RAB2A: variants seen among roughly 807,000 people sequenced by gnomAD.
RAB2A encodes RAB2A, member RAS oncogene family.
A neutral mutation model predicts 32.5 loss-of-function variants in RAB2A; 7 were observed. The ratio of observed to expected loss-of-function variants is 0.22; its 90% CI spans 0.12 to 0.40. The LOEUF (loss-of-function observed/expected upper bound fraction) is 0.40. Ranked by LOEUF, RAB2A falls within the 10% of genes least tolerant of loss-of-function variation. The probability of loss-of-function intolerance (pLI) is 1.00; values close to 1 mark genes in which losing one functional copy is unlikely to be tolerated. For synonymous variants in RAB2A, 79 were observed against 85.2 expected (o/e 0.93, Z 0.40); for missense variants, 108 against 260.7 (o/e 0.41, Z 4.03).
At chr8:60,536,420 T>C (rs1807556690) in intron 1 of RAB2A, among the ~76,000 whole-genome samples, 1 of 152,240 alleles carries the variant, frequency 6.6e-6, no homozygotes, top group Non-Finnish European at 1.5e-5. Context: ...TAGATAATTA[T>C]ATTTTACATT....
rs1188601181 is a variant in RAB2A, at chr8:60,622,495, T to G, written c.*1726T>G. ...TTTCTTTCAAGTGGCTGTATCAAAT[T>G]CACTGGTCTTACTAATCACTGTCTT... is the stretch of plus-strand genomic sequence containing the variant. On this transcript the variant is annotated 3_prime_UTR_variant, in exon 8 of 8. Transcript: ENST00000262646. 1 of 152,212 alleles carries G rather than the reference T, an allele frequency of 6.6e-6. No homozygotes were observed. Among genetic ancestry groups the G allele is most frequent in the Non-Finnish European group, 1.5e-5 (1 of 68,028 alleles). The allele number at this position is 152,212 out of a possible 1,614,324, so 9.4% of individuals were successfully genotyped here.
intron 1 of RAB2A, among the ~76,000 whole-genome samples, chr8:60,550,797 A>T (rs1029002660): frequency 6.6e-6 from 1 of 152,132 alleles, no homozygotes; most frequent in African/African-American, 2.4e-5. Flanking sequence ...CTCTCCAGTG[A>T]ATCCCCTATT....
Position 60,591,190 on chromosome 8 carries a change from C to T in RAB2A, c.363-668C>T, listed in dbSNP as rs186326042. 7.6e-4 allele frequency among the ~76,000 whole-genome samples: 115 copies of T among 151,522 alleles called. No homozygotes were observed. The Middle Eastern group carries it at 0.01, about 13-fold the overall frequency. ...TTAAAAGCAACTGCTACCTCCCCTCCCCCCCACTAATAAAATTCTAGTATG... is the reference window on the plus strand; with the variant it reads ...TTAAAAGCAACTGCTACCTCCCCTCTCCCCCACTAATAAAATTCTAGTATG... On this transcript the variant is annotated intron_variant, in intron 5 of 7. Coordinates refer to ENST00000262646, the MANE Select transcript of RAB2A (RefSeq NM_002865.3).
At chr8:60,589,971 T>C (rs909508654) in intron 5 of RAB2A, among the ~76,000 whole-genome samples, 12 of 152,146 alleles carry the variant, frequency 7.9e-5, no homozygotes, top group Middle Eastern at 3.4e-3. Context: ...CTTTTTTTTT[T>C]CCCTTCCCAA....
intron 5 of RAB2A, 47 bp downstream of exon 5, chr8:60,584,862 G>A (rs1803822926): frequency 3.0e-6 from 4 of 1,345,316 alleles, no homozygotes; most frequent in African/African-American, 1.5e-5. Flanking sequence ...GATGAAGACT[G>A]TACTGTTTAT....
intron 1 of RAB2A, among the ~76,000 whole-genome samples, chr8:60,546,785 G>C (rs1807733875): frequency 6.6e-6 from 1 of 151,890 alleles, no homozygotes; most frequent in Non-Finnish European, 1.5e-5. Context: ...AAATCACCCA[G>C]GTAGTGCTTT....
intron 1 of RAB2A, among the ~76,000 whole-genome samples, chr8:60,538,590 G>A (rs1807592563): frequency 6.6e-6 from 1 of 152,214 alleles, no homozygotes. Context: ...GGAGGGGCAT[G>A]GCTGAGGCCT....
Position 60,544,572 on chromosome 8 carries a change from T to A in RAB2A, c.47-14280T>A, listed in dbSNP as rs199936390. Among the ~76,000 whole-genome samples the A allele has an allele frequency of 9.6e-3, 1,282 of 133,890 alleles. 17 individuals carry two copies. The highest frequency in any genetic ancestry group is 0.033 in the African/African-American group (1,129 of 34,706). The allele number at this position is 133,890 out of a possible 152,430, so 87.8% of individuals were successfully genotyped here. On this transcript the variant is annotated intron_variant, in intron 1 of 7. Transcript: ENST00000262646. ...AGTGCCTTTTTTTTTTTTTTTTTTTTAAAATAGAGATGGGGTCTCAGTATG... is the reference window on the plus strand; with the variant it reads ...AGTGCCTTTTTTTTTTTTTTTTTTTAAAAATAGAGATGGGGTCTCAGTATG...
Position 60,618,656 on chromosome 8 carries a change from C to T in RAB2A, c.543+8C>T, listed in dbSNP as rs376313812. ...TTTGACATTAATAATGAGGTATATA[C>T]ATATAAATATTGTTGGTCAATATTA... On this transcript the variant is annotated splice_region_variant and intron_variant, in intron 7 of 7. Transcript: ENST00000262646. 4 of 1,015,526 alleles carry T rather than the reference C, an allele frequency of 3.9e-6. No homozygotes were observed. Among genetic ancestry groups the T allele is most frequent in the Non-Finnish European group, 5.3e-6 (4 of 756,744 alleles). The allele number at this position is 1,015,526 out of a possible 1,614,324, so 62.9% of individuals were successfully genotyped here.
intron 1 of RAB2A, among the ~76,000 whole-genome samples, chr8:60,520,432 A>C (rs1231046694): frequency 6.6e-6 from 1 of 152,232 alleles, no homozygotes; most frequent in Admixed American, 6.5e-5. Flanking sequence ...AATCTATAGT[A>C]ATTTTTCTTC....
At chr8:60,521,808 A>G (rs916878065) in intron 1 of RAB2A, among the ~76,000 whole-genome samples, 7 of 152,070 alleles carry the variant, frequency 4.6e-5, no homozygotes, top group Non-Finnish European at 7.4e-5. Context: ...TTTAGTAGAG[A>G]TGGAGTTTTG....
In RAB2A at chr8:60,623,477, A is replaced by G. The variant is rs1361447308; in HGVS notation, c.*2708A>G. ...GGTTGGCAGCATGGGGTTTGACTAT[A>G]TGAGCTAAAAGATACACAAAGAGAT... On this transcript the variant is annotated 3_prime_UTR_variant, in exon 8 of 8. Transcript: ENST00000262646. The G allele has an allele frequency of 6.6e-6, 1 of 152,210 alleles. No homozygotes were observed. Among genetic ancestry groups the G allele is most frequent in the African/African-American group, 2.4e-5 (1 of 41,450 alleles). 9.4% of individuals were successfully genotyped at this position (152,210 alleles called of 1,614,324 possible). A position where few individuals can be genotyped will look rare whatever the true frequency, so the allele number is the denominator to read the frequency against.
intron 3 of RAB2A, among the ~76,000 whole-genome samples, chr8:60,577,881 A>T (rs1167896427): frequency 7.0e-6 from 1 of 143,278 alleles, no homozygotes; most frequent in Non-Finnish European, 1.5e-5. Flanking sequence ...TGACCTCGTG[A>T]TCCACCCGCC....
At chr8:60,527,471 C>G (rs1807410328) in intron 1 of RAB2A, among the ~76,000 whole-genome samples, 1 of 152,186 alleles carries the variant, frequency 6.6e-6, no homozygotes, top group Non-Finnish European at 1.5e-5. Flanking sequence ...AAGCAGGCAC[C>G]TTCTTCACAA....
At chr8:60,575,920 G>A (rs1365569901) in intron 3 of RAB2A, among the ~76,000 whole-genome samples, 1 of 152,146 alleles carries the variant, frequency 6.6e-6, no homozygotes, top group African/African-American at 2.4e-5. Context: ...CTCCCAAAGT[G>A]CTGGGATTAT....
chr8:60,611,809 C>G (rs1266823272), intron 6 of RAB2A, among the ~76,000 whole-genome samples: 1 of 152,132 alleles, frequency 6.6e-6, no homozygotes, highest in African/African-American at 2.4e-5. Context: ...ACTTGAATTA[C>G]AAAACGTCAG....
chr8:60,528,483 G>C (rs534562258), intron 1 of RAB2A, among the ~76,000 whole-genome samples: 120 of 152,164 alleles, frequency 7.9e-4, no homozygotes, highest in African/African-American at 2.8e-3. Context: ...TTTGCCCTCT[G>C]TGTGTTCTAA....
chr8:60,558,654 A>G (rs1243947210), intron 1 of RAB2A, 198 bp from the exon 2 acceptor site: 2 of 612,334 alleles, frequency 3.3e-6, no homozygotes, highest in South Asian at 1.8e-5. Context: ...AAGGGTGAAA[A>G]TGTACTTTAG....
At chr8:60,564,093 T>C (rs1453646714) in intron 2 of RAB2A, among the ~76,000 whole-genome samples, 2 of 152,248 alleles carry the variant, frequency 1.3e-5, no homozygotes, top group Admixed American at 1.3e-4. Flanking sequence ...ATTTCCATTA[T>C]ATTCACCCTT....
Sources: gnomAD v4.1 joint callset for allele counts (sites outside exome capture counted in the v4.1 genomes callset) on GRCh38, gnomAD v4.1.1 for gene constraint, MANE v1.5 for transcripts, NCBI Gene and HGNC (gene_info 2026-07-23, HGNC 2026-07-21) for gene names.